FANCB: variants seen among roughly 807,000 people sequenced by gnomAD.
FANCB encodes FA complementation group B.
FANCB carries 5 observed loss-of-function variants against 38.9 expected under a neutral mutation model. That is an observed-to-expected ratio of 0.13 (90% confidence interval 0.07 to 0.27). FANCB has a LOEUF of 0.27. Ranked by LOEUF, FANCB falls within the 10% of genes least tolerant of loss-of-function variation. The pLI, the probability that FANCB is intolerant of heterozygous loss-of-function variation, is 1.00. For synonymous variants in FANCB, 236 were observed against 215.4 expected (o/e 1.10, Z -0.84); for missense variants, 573 against 602.7 (o/e 0.95, Z 0.52).
the FANCB span, among the ~76,000 whole-genome samples, chrX:14,716,603 A>G: frequency 9.0e-6 from 1 of 111,227 alleles, no homozygotes; most frequent in African/African-American, 3.3e-5. Context: ...GATCACTACA[A>G]ACACAATTAT....
the FANCB span, among the ~76,000 whole-genome samples, chrX:14,819,242 T>G: frequency 9.0e-6 from 1 of 111,361 alleles, no homozygotes; most frequent in Non-Finnish European, 1.9e-5. Context: ...AGACCCAGAA[T>G]GCACAGAGGT....
chrX:14,827,845 A>G, the FANCB span, among the ~76,000 whole-genome samples: 1 of 111,876 alleles, frequency 8.9e-6, no homozygotes, highest in Non-Finnish European at 1.9e-5. Context: ...GTAGCTTTAA[A>G]AAATACATAT....
chrX:14,759,883 A>C, the FANCB span, among the ~76,000 whole-genome samples: 1 of 111,877 alleles, frequency 8.9e-6, no homozygotes, highest in African/African-American at 3.3e-5. Flanking sequence ...CATTGACTAT[A>C]AATGGCCTCA....
chrX:14,691,581 G>A, the FANCB span, among the ~76,000 whole-genome samples: 1 of 111,069 alleles, frequency 9.0e-6, no homozygotes, highest in Admixed American at 9.6e-5. Flanking sequence ...ATCGCCTGGG[G>A]ATATTTTAAA....
rs2092456895 is a variant in FANCB, at chrX:14,863,857, G to A, written c.951+703C>T. ...ATTATAAATGTTTAAAAAGTTGGCC[G>A]GGCATGGTGACTCACGCCTGTAATC... is the stretch of plus-strand genomic sequence containing the variant. On this transcript the variant is annotated intron_variant, in intron 3 of 9. Transcript: ENST00000650831. Among the ~76,000 whole-genome samples, 3 of 112,115 alleles carry A rather than the reference G, an allele frequency of 2.7e-5. No homozygotes were observed. In the South Asian group the frequency reaches 1.1e-3, roughly 41 times the overall value.
the FANCB span, among the ~76,000 whole-genome samples, chrX:14,739,131 GT>G: frequency 8.1e-5 from 9 of 111,528 alleles, no homozygotes; most frequent in Non-Finnish European, 1.3e-4. Flanking sequence ...CCAATTTAGG[GT>G]TTTTTAAGTA....
the FANCB span, among the ~76,000 whole-genome samples, chrX:14,725,354 A>AT: frequency 2.7e-5 from 3 of 110,779 alleles, no homozygotes; most frequent in Admixed American, 9.7e-5. Context: ...TGCTTGGGAG[A>AT]TTTTTTCAGT....
At chrX:14,784,413 T>C in the FANCB span, among the ~76,000 whole-genome samples, 15 of 111,141 alleles carry the variant, frequency 1.3e-4, no homozygotes, top group African/African-American at 4.6e-4. Flanking sequence ...CATGACTCCT[T>C]CCCTTCTCCC....
At chrX:14,731,144 T>TAACA in the FANCB span, 5 of 112,210 alleles carry the variant, frequency 4.5e-5, no homozygotes, top group African/African-American at 1.6e-4. Flanking sequence ...ATCCAGTAAA[T>TAACA]AACAATGACA....
chrX:14,697,154 T>TA, the FANCB span, among the ~76,000 whole-genome samples: 27 of 111,565 alleles, frequency 2.4e-4, no homozygotes, highest in South Asian at 1.9e-3. Flanking sequence ...CAGGTACTCT[T>TA]CTAGATACTT....
chrX:14,712,611 G>T, the FANCB span, among the ~76,000 whole-genome samples: 1 of 106,918 alleles, frequency 9.4e-6, no homozygotes, highest in African/African-American at 3.4e-5. Context: ...TGAAGACAAA[G>T]ACATTAAAAG....
chrX:14,820,503 C>T, the FANCB span, among the ~76,000 whole-genome samples: 1 of 111,719 alleles, frequency 9.0e-6, no homozygotes, highest in Non-Finnish European at 1.9e-5. Context: ...AGAAGATAAG[C>T]TCATTAAGGA....
chrX:14,722,181 A>T, the FANCB span, among the ~76,000 whole-genome samples: 1 of 112,005 alleles, frequency 8.9e-6, no homozygotes, highest in African/African-American at 3.2e-5. Context: ...GTGTGTTAAG[A>T]ATTTGGGAAG....
the FANCB span, among the ~76,000 whole-genome samples, chrX:14,746,446 G>A: frequency 2.0e-3 from 225 of 112,331 alleles, no homozygotes; most frequent in Non-Finnish European, 3.4e-3. Context: ...AAGAATGAAA[G>A]GATAAATGTA....
At chrX:14,717,703 T>C in the FANCB span, among the ~76,000 whole-genome samples, 2 of 102,218 alleles carry the variant, frequency 2.0e-5, no homozygotes, top group Non-Finnish European at 3.9e-5. Context: ...TTAGATGAGC[T>C]TGGATTTACT....
chrX:14,730,509 C>A, the FANCB span: 24 of 1,072,900 alleles, frequency 2.2e-5, no homozygotes, highest in African/African-American at 4.0e-5. Flanking sequence ...ACCCTGGGAC[C>A]TTCTTGCCTC....
the FANCB span, among the ~76,000 whole-genome samples, chrX:14,759,595 C>T: frequency 9.0e-6 from 1 of 111,210 alleles, no homozygotes; most frequent in South Asian, 3.7e-4. Flanking sequence ...TAATTATCAG[C>T]CAAGAATTTT....
At position 14,859,314 on chromosome X, in the gene FANCB, T is replaced by A. The variant is rs1456143136; in HGVS notation, c.972A>T (p.Lys324Asn). 8.4e-7 allele frequency: 1 copy of A among 1,193,738 alleles called. No individual in the cohort carries two copies. The highest frequency in any genetic ancestry group is 3.0e-5 in the East Asian group (1 of 33,614). The change falls in exon 4 of 10, where the codon AAA becomes AAT. Residue 324 changes from lysine (K) to asparagine (N), a missense_variant. Transcript: ENST00000650831. ...AGTCATCTATCAGTACTAAGCTAAGTTTTTCCCATTTAGCAGCAACCTAAA... is the reference window on the plus strand; with the variant it reads ...AGTCATCTATCAGTACTAAGCTAAGATTTTCCCATTTAGCAGCAACCTAAA... ...ESFQVAAKWE[K>N]LSLVLIDDFI...
At chrX:14,814,825 T>C in the FANCB span, among the ~76,000 whole-genome samples, 1 of 112,068 alleles carries the variant, frequency 8.9e-6, no homozygotes, top group African/African-American at 3.2e-5. Flanking sequence ...ACTGGGTATA[T>C]ACCCAAAGGA....
Sources: gnomAD v4.1 joint callset for allele counts (sites outside exome capture counted in the v4.1 genomes callset) on GRCh38, gnomAD v4.1.1 for gene constraint, MANE v1.5 for transcripts, NCBI Gene and HGNC (gene_info 2026-07-23, HGNC 2026-07-21) for gene names.